CSNK1G1: variants seen among roughly 807,000 people sequenced by gnomAD.
The protein encoded by CSNK1G1 is casein kinase 1 gamma 1.
A neutral mutation model predicts 59.6 loss-of-function variants in CSNK1G1; 22 were observed. That is an observed-to-expected ratio of 0.37 (90% CI 0.26 to 0.53). The LOEUF (loss-of-function observed/expected upper bound fraction) is 0.53, where lower values mean the gene tolerates loss of function less well. Among genes scored for constraint, CSNK1G1 ranks in the 20% least tolerant of loss-of-function variants. CSNK1G1 has a pLI of 0.89. For synonymous variants in CSNK1G1, 179 were observed against 177.1 expected, an observed-to-expected ratio of 1.01 and a Z score of -0.08; for missense variants, 384 against 519.5, an observed-to-expected ratio of 0.74 and a Z score of 2.54.
At chr15:64,325,531 A>G (rs1896792517) in intron 1 of CSNK1G1, among the ~76,000 whole-genome samples, 1 of 152,172 alleles carries the variant, frequency 6.6e-6, no homozygotes, top group Non-Finnish European at 1.5e-5. Flanking sequence ...TTATATAATC[A>G]TTTCTATAAC....
chr15:64,353,488 T>C (rs1049823783), intron 1 of CSNK1G1, among the ~76,000 whole-genome samples: 3 of 151,326 alleles, frequency 2.0e-5, no homozygotes, highest in African/African-American at 7.3e-5. Flanking sequence ...CTACTAAAAA[T>C]ACAAAAAAAT....
At chr15:64,347,408 A>G (rs746922642) in intron 1 of CSNK1G1, among the ~76,000 whole-genome samples, 2 of 152,146 alleles carry the variant, frequency 1.3e-5, no homozygotes, top group African/African-American at 2.4e-5. Context: ...TGTCCTTCAA[A>G]TGGTGAAGGG....
At chr15:64,181,516 G>C in intron 10 of CSNK1G1, 1 of 1,242,716 alleles carries the variant, frequency 8.0e-7, no homozygotes, top group Non-Finnish European at 1.1e-6. Context: ...ATTTGAGATT[G>C]TTTCTTATAG....
chr15:64,343,864 G>C (rs111728868), intron 1 of CSNK1G1, among the ~76,000 whole-genome samples: 48 of 151,632 alleles, frequency 3.2e-4, no homozygotes, highest in Admixed American at 5.9e-4. Flanking sequence ...TTCACTGATT[G>C]TGAGTTCAAA....
intron 2 of CSNK1G1, among the ~76,000 whole-genome samples, chr15:64,294,738 C>T (rs1402223374): frequency 2.7e-5 from 4 of 150,688 alleles, no homozygotes; most frequent in Middle Eastern, 3.6e-3. Context: ...TGGTGAAACC[C>T]CGTCTCTACA....
At chr15:64,292,135 G>C (rs1354399406) in intron 2 of CSNK1G1, among the ~76,000 whole-genome samples, 71 of 151,802 alleles carry the variant, frequency 4.7e-4, no homozygotes, top group South Asian at 2.1e-4. Flanking sequence ...GTGTGAACCT[G>C]GGAGGCGGAG....
intron 2 of CSNK1G1, among the ~76,000 whole-genome samples, chr15:64,290,258 A>G (rs1366633750): frequency 6.6e-6 from 1 of 152,106 alleles, no homozygotes; most frequent in Non-Finnish European, 1.5e-5. Flanking sequence ...TGCATATGTT[A>G]TGTTTATCGC....
intron 2 of CSNK1G1, among the ~76,000 whole-genome samples, chr15:64,296,975 G>C (rs916030928): frequency 8.3e-6 from 1 of 120,608 alleles, no homozygotes; most frequent in African/African-American, 3.4e-5. Context: ...GTTTGGAACC[G>C]ATAGGTCTAC....
intron 2 of CSNK1G1, among the ~76,000 whole-genome samples, chr15:64,289,533 T>TA (rs200258541): frequency 0.012 from 1,880 of 152,264 alleles, 27 homozygotes; most frequent in African/African-American, 0.044. Flanking sequence ...ATACATTTGA[T>TA]ATTCTTCCAA....
chr15:64,293,234 CTTCATAATTCTCCT>C (rs534540345), intron 2 of CSNK1G1, among the ~76,000 whole-genome samples: 1 of 152,236 alleles, frequency 6.6e-6, no homozygotes, highest in African/African-American at 2.4e-5. Flanking sequence ...TGTCTTAAAT[CTTCATAATTCTCCT>C]TTCATTGAGG....
At chr15:64,174,007 C>CT (rs1242810480) in intron 11 of CSNK1G1, among the ~76,000 whole-genome samples, 1 of 152,176 alleles carries the variant, frequency 6.6e-6, no homozygotes, top group African/African-American at 2.4e-5. Flanking sequence ...AATTAAATCT[C>CT]TATTTCAATA....
At position 64,176,368 on chromosome 15, in the gene CSNK1G1, G is replaced by T; in HGVS notation, c.1214+3980C>A. 2.5e-6 allele frequency: 1 copy of T among 398,126 alleles called. No individual in the cohort carries two copies. Among genetic ancestry groups the T allele is most frequent in the South Asian group, 1.3e-4 (1 of 7,544 alleles). The allele number at this position is 398,126 out of a possible 1,614,324, so 24.7% of individuals were successfully genotyped here. A position where few individuals can be genotyped will look rare whatever the true frequency, so the allele number is the denominator to read the frequency against. ...TAGTCCACAGAGGTGAAATGGAAGC[G>T]ACTCCCTGTGAGCCATGCAAACATG... On this transcript the variant is annotated intron_variant, in intron 11 of 11. Coordinates refer to ENST00000303052, the MANE Select transcript of CSNK1G1 (RefSeq NM_022048.5). The surrounding 1 kb of genome is among the most constrained non-coding windows in gnomAD (Gnocchi z 5.2).
At chr15:64,310,738 G>A (rs1334426292) in intron 1 of CSNK1G1, among the ~76,000 whole-genome samples, 9 of 152,014 alleles carry the variant, frequency 5.9e-5, no homozygotes, top group Admixed American at 2.0e-4. Flanking sequence ...CGGGCACAGC[G>A]GCTCACGCCT....
chr15:64,324,400 A>C (rs567450687), intron 1 of CSNK1G1, among the ~76,000 whole-genome samples: 1 of 152,260 alleles, frequency 6.6e-6, no homozygotes, highest in South Asian at 2.1e-4. Flanking sequence ...AGAATAAAGC[A>C]GGCAGAAGAA....
At chr15:64,255,294 C>T (rs1167349913) in intron 3 of CSNK1G1, among the ~76,000 whole-genome samples, 1 of 152,108 alleles carries the variant, frequency 6.6e-6, no homozygotes, top group Admixed American at 6.5e-5. Context: ...CCAGGCTGGT[C>T]GCAAACTCCT....
At chr15:64,301,421 A>T (rs111633696) in intron 1 of CSNK1G1, among the ~76,000 whole-genome samples, 2 of 152,054 alleles carry the variant, frequency 1.3e-5, no homozygotes, top group African/African-American at 4.8e-5. Flanking sequence ...AGAATTCTGC[A>T]GTGTCCAAAT....
At chr15:64,222,304 A>G (rs935878756) in intron 4 of CSNK1G1, among the ~76,000 whole-genome samples, 2 of 151,810 alleles carry the variant, frequency 1.3e-5, no homozygotes, top group Admixed American at 1.3e-4. Flanking sequence ...GAGGGAACTT[A>G]GAAGACGGGT....
At chr15:64,202,754 A>G (rs1222749234) in intron 10 of CSNK1G1, among the ~76,000 whole-genome samples, 1 of 152,096 alleles carries the variant, frequency 6.6e-6, no homozygotes, top group African/African-American at 2.4e-5. Flanking sequence ...GGGTTTCACC[A>G]TCTTGCCCAG....
intron 9 of CSNK1G1, among the ~76,000 whole-genome samples, chr15:64,203,694 TAAA>T (rs531367701): frequency 2.0e-4 from 11 of 56,176 alleles, no homozygotes; most frequent in African/African-American, 2.3e-4. Context: ...TGAAACTCCG[TAAA>T]AAAAAAAAAA....
Sources: gnomAD v4.1 joint callset for allele counts (sites outside exome capture counted in the v4.1 genomes callset) on GRCh38, gnomAD v4.1.1 for gene constraint, Gnocchi (gnomAD v3.1) non-coding constraint, MANE v1.5 for transcripts, NCBI Gene and HGNC (gene_info 2026-07-23, HGNC 2026-07-21) for gene names.